Variants in PRKAG3 observed in about 807,000 individuals in gnomAD.
PRKAG3 encodes the protein 5'-AMP-activated protein kinase subunit gamma-3.
A neutral mutation model predicts 56.5 loss-of-function variants in PRKAG3; 39 were observed. The ratio of observed to expected loss-of-function variants is 0.69; its 90% CI spans 0.53 to 0.90. The LOEUF is 0.90. PRKAG3 is among the 40% of genes least tolerant of loss of function. PRKAG3 has a pLI of 0.00. For missense variants in PRKAG3, 628 were observed against 627.5 expected (o/e 1.00, Z -0.01); for synonymous variants, 243 against 250.1 (o/e 0.97, Z 0.27).
chr2:218,823,259 G>C (rs934630102), downstream of PRKAG3: 1 of 227,634 alleles, frequency 4.4e-6, no homozygotes, highest in Non-Finnish European at 8.4e-6. Flanking sequence ...TGAGCACGTA[G>C]GTAGAAGCTC....
intron 4 of PRKAG3, among the ~76,000 whole-genome samples, chr2:218,829,363 C>T (rs186141680): frequency 8.5e-4 from 129 of 151,858 alleles, no homozygotes; most frequent in Non-Finnish European, 1.4e-3. Context: ...CACTGTCTCC[C>T]GGGCTGGAGT....
At chr2:218,824,353 G>T (rs754284790) in exon 12 of PRKAG3, 3 of 1,614,080 alleles carry the variant, frequency 1.9e-6, no homozygotes, top group South Asian at 1.1e-5. Flanking sequence ...TTGTAGGTTT[G>T]CTGGGCAGCC....
chr2:218,824,283 A>T (rs1423693832), exon 12 of PRKAG3: 1 of 1,613,560 alleles, frequency 6.2e-7, no homozygotes, highest in Non-Finnish European at 8.5e-7. Context: ...GCAGGAAAGG[A>T]CTCCCTCCAG....
chr2:218,830,229 A>T (rs1943999185), exon 4 of PRKAG3: 1 of 1,614,018 alleles, frequency 6.2e-7, no homozygotes, highest in Non-Finnish European at 8.5e-7. Context: ...TCTGTGCTGG[A>T]GCCTGCAGCT....
At chr2:218,825,461 G>A (rs1045092238) in intron 10 of PRKAG3, among the ~76,000 whole-genome samples, 8 of 152,054 alleles carry the variant, frequency 5.3e-5, no homozygotes, top group African/African-American at 1.9e-4. Flanking sequence ...TGGCCTATAT[G>A]GTGAAACCTC....
exon 4 of PRKAG3, chr2:218,830,216 T>A: frequency 6.2e-7 from 1 of 1,614,046 alleles, no homozygotes; most frequent in Non-Finnish European, 8.5e-7. Flanking sequence ...CAGCTCCACA[T>A]CATCTGTGCT....
chr2:218,831,281 G>A, intron 2 of PRKAG3, 55 bp downstream of exon 2: 3 of 1,373,718 alleles, frequency 2.2e-6, no homozygotes, highest in South Asian at 2.8e-5. Flanking sequence ...AGAAAAGTGG[G>A]GGACAAGGAG....
exon 4 of PRKAG3, chr2:218,830,125 G>A: frequency 6.2e-7 from 1 of 1,613,392 alleles, no homozygotes; most frequent in Non-Finnish European, 8.5e-7. Context: ...GGGCCTGCGG[G>A]GACAGGCACA....
chr2:218,825,281 A>C (rs1429855501), intron 10 of PRKAG3, among the ~76,000 whole-genome samples: 1 of 150,596 alleles, frequency 6.6e-6, no homozygotes, highest in Non-Finnish European at 1.5e-5. Flanking sequence ...GGTTGCAGTG[A>C]GCCAAGATTG....
At chr2:218,831,712 C>A in intron 1 of PRKAG3, 26 bp downstream of exon 1, 1 of 1,606,812 alleles carries the variant, frequency 6.2e-7, no homozygotes, top group Non-Finnish European at 8.5e-7. Context: ...GCTGCCCCGG[C>A]TCCGGCTCCC....
At chr2:218,831,086 G>A (rs896762354) in intron 2 of PRKAG3, among the ~76,000 whole-genome samples, 185 bp from the exon 3 acceptor site, 2 of 152,154 alleles carry the variant, frequency 1.3e-5, no homozygotes, top group African/African-American at 4.8e-5. Context: ...GCTAGTGAGG[G>A]ACCAGAAATT....
At chr2:218,825,413 C>G (rs923141549) in intron 10 of PRKAG3, among the ~76,000 whole-genome samples, 9 of 151,656 alleles carry the variant, frequency 5.9e-5, no homozygotes, top group Non-Finnish European at 1.0e-4. Context: ...GAGGCCAAGA[C>G]AGGTGGATCA....
intron 10 of PRKAG3, 105 bp downstream of exon 10, chr2:218,826,822 AC>A: frequency 6.9e-7 from 1 of 1,444,170 alleles, no homozygotes; most frequent in Admixed American, 1.7e-5. Flanking sequence ...TCCATCCTGT[AC>A]CCCCCACAGG....
At chr2:218,826,937 T>C (rs761872758) in exon 10 of PRKAG3, 2 of 1,614,066 alleles carry the variant, frequency 1.2e-6, no homozygotes, top group Non-Finnish European at 1.7e-6. Flanking sequence ...CCACATTCGT[T>C]GACCACAGGC....
intron 2 of PRKAG3, 102 bp downstream of exon 2, chr2:218,831,234 G>C (rs540579059): frequency 1.9e-4 from 170 of 908,644 alleles, no homozygotes; most frequent in Non-Finnish European, 2.3e-4. Context: ...CCAAAAGGAG[G>C]AAGATAAAAG....
chr2:218,824,202 G>A lies in PRKAG3; in HGVS notation c.1353+20C>T. Reference sequence around the variant, plus strand: ...ACTGGGCTATATGTGTTGGGGGCATGAATGGAGGGCACACGGTACCTGCTC... The same window carrying A: ...ACTGGGCTATATGTGTTGGGGGCATAAATGGAGGGCACACGGTACCTGCTC... On this transcript the variant is annotated intron_variant, in intron 12 of 12. Transcript: ENST00000529249. 6.2e-7 allele frequency: 1 copy of A among 1,614,072 alleles called. No individual in the cohort carries two copies. The highest frequency in any genetic ancestry group is 8.5e-7 in the Non-Finnish European group (1 of 1,179,990).
chr2:218,824,564 C>T (rs752973172), exon 11 of PRKAG3: 4 of 1,612,724 alleles, frequency 2.5e-6, no homozygotes, highest in South Asian at 2.2e-5. Context: ...GGAATAGAGG[C>T]CCACGACCTG....
intron 11 of PRKAG3, 56 bp from the exon 12 acceptor site, chr2:218,824,424 C>A (rs1171414122): frequency 6.2e-7 from 1 of 1,613,410 alleles, no homozygotes; most frequent in Non-Finnish European, 8.5e-7. Flanking sequence ...GGCTCCTACC[C>A]TACAGATGTC....
intron 1 of PRKAG3, 96 bp from the exon 2 acceptor site, chr2:218,831,471 A>G: frequency 8.5e-7 from 1 of 1,178,184 alleles, no homozygotes; most frequent in Middle Eastern, 2.0e-4. Flanking sequence ...ATGCACACCA[A>G]TACACACGCT....
Sources: gnomAD v4.1 joint callset for allele counts (sites outside exome capture counted in the v4.1 genomes callset) on GRCh38, gnomAD v4.1.1 for gene constraint, MANE v1.5 for transcripts, NCBI Gene and HGNC (gene_info 2026-07-23, HGNC 2026-07-21) for gene names.